The following PI4KA variants were observed in gnomAD, a reference collection of about 807,000 sequenced individuals.
The protein encoded by PI4KA is PI4-kinase alpha.
A neutral mutation model predicts 271.4 loss-of-function variants in PI4KA; 122 were observed. The ratio of observed to expected loss-of-function variants is 0.45; its 90% CI spans 0.39 to 0.52. The LOEUF is 0.52. Ranked by LOEUF, PI4KA falls within the 20% of genes least tolerant of loss-of-function variation. PI4KA has a pLI of 0.00. For synonymous variants in PI4KA, 1,041 were observed against 1,078.8 expected (o/e 0.96, Z 0.69); for missense variants, 1,969 against 2,769.1 (o/e 0.71, Z 6.48).
chr22:20,827,411 A>G (rs1923563952), intron 3 of PI4KA, among the ~76,000 whole-genome samples: 1 of 151,622 alleles, frequency 6.6e-6, no homozygotes, highest in African/African-American at 2.4e-5. Flanking sequence ...TCTATGTGCT[A>G]TTTTTTTTAC....
chr22:20,727,388 T>C lies in PI4KA; in HGVS notation c.4783A>G (p.Thr1595Ala). 3.1e-6 allele frequency: 5 copies of C among 1,603,808 alleles called. No individual in the cohort carries two copies. Among genetic ancestry groups the C allele is most frequent in the Non-Finnish European group, 4.3e-6 (5 of 1,175,230 alleles). ...DVPEAIKFLV[T>A]WHTIDADAPE... Reference sequence around the variant, plus strand: ...GCATCGGCGTCGATGGTGTGCCAGGTGACCAGGAACTGCAGAGAAGGTGGG... The same window carrying C: ...GCATCGGCGTCGATGGTGTGCCAGGCGACCAGGAACTGCAGAGAAGGTGGG... The change falls in exon 41 of 55, where the codon ACC becomes GCC. Residue 1595 changes from threonine to alanine, a missense_variant. Physicochemically the swap from Thr to Ala is moderately conservative, Grantham distance 58. Transcript: ENST00000255882.
chr22:20,819,585 A>G (rs1173598633), intron 6 of PI4KA, 56 bp downstream of exon 6: 24 of 1,513,924 alleles, frequency 1.6e-5, no homozygotes, highest in African/African-American at 1.4e-5. Context: ...TTTTCTTCGC[A>G]GGGGAGCTTA....
At position 20,710,011 on chromosome 22, in the gene PI4KA, G is replaced by A; in HGVS notation, c.6084-14C>T. 1 of 1,587,722 alleles carries A rather than the reference G, an allele frequency of 6.3e-7. No homozygotes were observed. Among genetic ancestry groups the A allele is most frequent in the Non-Finnish European group, 8.7e-7 (1 of 1,156,052 alleles). ...TCCATGTAGGGCCTGGGGAGAGATA[G>A]GAGGGAGCGGTGGGCTGAGGCCAGC... On this transcript the variant is annotated splice_polypyrimidine_tract_variant and intron_variant, in intron 52 of 54. Coordinates refer to ENST00000255882, the MANE Select transcript of PI4KA (RefSeq NM_058004.4).
chr22:20,713,929 G>T (rs559377880), intron 47 of PI4KA, among the ~76,000 whole-genome samples: 73 of 152,340 alleles, frequency 4.8e-4, no homozygotes, highest in Admixed American at 9.8e-4. Context: ...GTTAAGACAA[G>T]GTCACAGTGG....
intron 4 of PI4KA, 98 bp from the exon 5 acceptor site, chr22:20,820,709 T>A: frequency 1.2e-6 from 1 of 828,072 alleles, no homozygotes; most frequent in Non-Finnish European, 2.0e-6. Context: ...AGACATTATC[T>A]TAACCAACCC....
chr22:20,729,159 G>C (rs758931456), intron 39 of PI4KA, among the ~76,000 whole-genome samples, 154 bp downstream of exon 39: 1 of 152,180 alleles, frequency 6.6e-6, no homozygotes, highest in African/African-American at 2.4e-5. Context: ...AGAAGGGCTC[G>C]GGGAGTGTCC....
chr22:20,805,391 C>T (rs1339408877), intron 10 of PI4KA, among the ~76,000 whole-genome samples: 1 of 152,176 alleles, frequency 6.6e-6, no homozygotes, highest in Non-Finnish European at 1.5e-5. Flanking sequence ...ATGATCATTT[C>T]CCAGGGATGT....
Position 20,739,275 on chromosome 22 carries a change from G to A in PI4KA, c.3741+2953C>T, listed in dbSNP as rs116900838. On this transcript the variant is annotated intron_variant, in intron 32 of 54. Coordinates refer to ENST00000255882, the MANE Select transcript of PI4KA (RefSeq NM_058004.4). ...ACAGGAGAATGGCGTGAACCCGGGAGGCGGAGTGAGCCAAGATCGGGCCAC... is the reference window on the plus strand; with the variant it reads ...ACAGGAGAATGGCGTGAACCCGGGAAGCGGAGTGAGCCAAGATCGGGCCAC... Among the ~76,000 whole-genome samples, 877 of 151,496 alleles carry A rather than the reference G, an allele frequency of 5.8e-3. 7 individuals are homozygous for A. The highest frequency in any genetic ancestry group is 0.053 in the East Asian group (274 of 5,148).
At chr22:20,833,537 C>T (rs1245317514) in intron 3 of PI4KA, among the ~76,000 whole-genome samples, 1 of 152,036 alleles carries the variant, frequency 6.6e-6, no homozygotes, top group Non-Finnish European at 1.5e-5. Context: ...CTGGTGACCT[C>T]TGTGCATGCG....
chr22:20,837,242 A>G (rs1487409559), intron 2 of PI4KA, among the ~76,000 whole-genome samples: 1 of 152,162 alleles, frequency 6.6e-6, no homozygotes, highest in Admixed American at 6.5e-5. Flanking sequence ...TTAAAAAATC[A>G]TGCCAATGCC....
At chr22:20,743,826 G>C (rs1929743540) in intron 30 of PI4KA, among the ~76,000 whole-genome samples, 1 of 151,976 alleles carries the variant, frequency 6.6e-6, no homozygotes, top group Admixed American at 6.6e-5. Context: ...AGGCCGAGGC[G>C]GGCAGATCAT....
chr22:20,731,799 A>G (rs1368945621), intron 36 of PI4KA, among the ~76,000 whole-genome samples: 6 of 151,756 alleles, frequency 4.0e-5, no homozygotes, highest in Admixed American at 1.3e-4. Flanking sequence ...TGTGGTAGCG[A>G]GCGCCTGTAG....
intron 30 of PI4KA, among the ~76,000 whole-genome samples, chr22:20,744,338 TGTAA>T (rs577049427): frequency 3.3e-5 from 5 of 152,204 alleles, no homozygotes; most frequent in African/African-American, 9.6e-5. Context: ...GCCTATGGCA[TGTAA>T]GTGTTTGTTA....
rs1365168309 is a variant in PI4KA, at chr22:20,783,449, A to AG, written c.2328+9743_2328+9744insC. Among the ~76,000 whole-genome samples the AG allele has an allele frequency of 1.6e-3, 247 of 151,676 alleles. 2 individuals carry two copies. The highest frequency in any genetic ancestry group is 5.8e-3 in the African/African-American group (240 of 41,368). ...CCATCTACAATTAAAAAAAAAAAAA[A>AG]AAAGACAGAAAGAAAAAATAGCCAG... On this transcript the variant is annotated intron_variant, in intron 19 of 54. Coordinates refer to ENST00000255882, the MANE Select transcript of PI4KA (RefSeq NM_058004.4).
At chr22:20,763,436 CTTT>C (rs918780172) in intron 22 of PI4KA, among the ~76,000 whole-genome samples, 3 of 148,678 alleles carry the variant, frequency 2.0e-5, no homozygotes, top group Non-Finnish European at 3.0e-5. Flanking sequence ...GTGCAATGTT[CTTT>C]TTTTCTTTTT....
intron 15 of PI4KA, 114 bp downstream of exon 15, chr22:20,799,557 T>C: frequency 2.5e-6 from 2 of 805,070 alleles, no homozygotes; most frequent in Non-Finnish European, 4.1e-6. Flanking sequence ...TACATGCCTA[T>C]GCTCTGAGAC....
chr22:20,756,588 A>G lies in PI4KA; in HGVS notation c.2792-3408T>C, dbSNP rs1251909258. ...GTAAATTCCTGATAATCAGATAGAC[A>G]TCAGATGCCAATCAATGTCATGTAG... On this transcript the variant is annotated intron_variant, in intron 23 of 54. Coordinates refer to ENST00000255882, the MANE Select transcript of PI4KA (RefSeq NM_058004.4). 3.9e-5 allele frequency among the ~76,000 whole-genome samples: 6 copies of G among 152,060 alleles called. 1 individual carries two copies. The highest frequency in any genetic ancestry group is 8.8e-5 in the Non-Finnish European group (6 of 68,024).
At chr22:20,744,547 T>C (rs950743443) in intron 30 of PI4KA, 81 bp downstream of exon 30, 3 of 956,806 alleles carry the variant, frequency 3.1e-6, no homozygotes, top group African/African-American at 3.3e-5. Flanking sequence ...GCTTTGTTCA[T>C]TTTCCACTAG....
intron 1 of PI4KA, among the ~76,000 whole-genome samples, chr22:20,849,086 T>C (rs1261223116): frequency 1.3e-5 from 2 of 152,196 alleles, no homozygotes; most frequent in Non-Finnish European, 2.9e-5. Flanking sequence ...TAGGATAGAA[T>C]AGGCTGGCTC....
Sources: gnomAD v4.1 joint callset for allele counts (sites outside exome capture counted in the v4.1 genomes callset) on GRCh38, gnomAD v4.1.1 for gene constraint, MANE v1.5 for transcripts, NCBI Gene and HGNC (gene_info 2026-07-23, HGNC 2026-07-21) for gene names.